The following MEI4 variants were observed in gnomAD, a reference collection of about 807,000 sequenced individuals.
MEI4 encodes the protein meiotic double-stranded break formation protein 4, also known as meiosis-specific protein MEI4.
In MEI4, 27 loss-of-function variants were observed where a neutral mutation model predicts 31.4. The ratio of observed to expected loss-of-function variants is 0.86; its 90% CI spans 0.63 to 1.19. The LOEUF (loss-of-function observed/expected upper bound fraction) is 1.19, where lower values mean the gene tolerates loss of function less well. Among genes scored for constraint, MEI4 ranks in the 50% most tolerant of loss-of-function variants. The pLI is 0.00. For missense variants in MEI4, 329 were observed against 398.9 expected (o/e 0.82, Z 1.49); for synonymous variants, 122 against 145.4 (o/e 0.84, Z 1.16).
intron 4 of MEI4, among the ~76,000 whole-genome samples, chr6:77,849,917 C>T (rs183571117): frequency 6.6e-6 from 1 of 152,138 alleles, no homozygotes; most frequent in Admixed American, 6.5e-5. Context: ...GGTTTTAAAC[C>T]CATACTGAAG....
chr6:77,780,452 G>C (rs533217459), intron 3 of MEI4, among the ~76,000 whole-genome samples: 7 of 152,246 alleles, frequency 4.6e-5, no homozygotes, highest in South Asian at 2.1e-4. Flanking sequence ...TGCCACAACT[G>C]TTTCTGTGAG....
At chr6:77,699,970 G>T (rs1766176214) in intron 2 of MEI4, among the ~76,000 whole-genome samples, 1 of 152,204 alleles carries the variant, frequency 6.6e-6, no homozygotes, top group Admixed American at 6.5e-5. Context: ...TTGTCTCAGA[G>T]GCGTACCCGG....
rs554162882 is a variant in MEI4, at chr6:77,792,873, C to T, written c.768+31208C>T. ...GACTACAGGTGCACGCCACCATGGCCGGCTAATGTTTTGTATTTTTAGTAG... is the reference window on the plus strand; with the variant it reads ...GACTACAGGTGCACGCCACCATGGCTGGCTAATGTTTTGTATTTTTAGTAG... On this transcript the variant is annotated intron_variant, in intron 3 of 4. Coordinates refer to ENST00000684080, the MANE Select transcript of MEI4 (RefSeq NM_001322247.2). Among the ~76,000 whole-genome samples, 59 of 151,862 alleles carry T rather than the reference C, an allele frequency of 3.9e-4. No homozygotes were observed. In the South Asian group the frequency reaches 8.8e-3, roughly 23 times the overall value.
chr6:77,919,864 C>T (rs1457051287), intron 4 of MEI4, among the ~76,000 whole-genome samples: 1 of 150,218 alleles, frequency 6.7e-6, no homozygotes, highest in Non-Finnish European at 1.5e-5. Flanking sequence ...GAGAATGCTA[C>T]AAACACCTCT....
chr6:77,919,876 C>A (rs377593004), intron 4 of MEI4, among the ~76,000 whole-genome samples: 1,686 of 149,658 alleles, frequency 0.011, 36 homozygotes, highest in African/African-American at 0.039. Flanking sequence ...AACACCTCTA[C>A]GCAAATAAAC....
intron 4 of MEI4, among the ~76,000 whole-genome samples, chr6:77,842,689 T>A (rs1770394109): frequency 6.6e-6 from 1 of 152,010 alleles, no homozygotes; most frequent in African/African-American, 2.4e-5. Context: ...TTTCCCACAG[T>A]ACAAGCATTT....
At chr6:77,903,690 T>C (rs1202439218) in intron 4 of MEI4, among the ~76,000 whole-genome samples, 1 of 152,160 alleles carries the variant, frequency 6.6e-6, no homozygotes, top group Non-Finnish European at 1.5e-5. Flanking sequence ...ATAGCTTTTC[T>C]TTTGTGGAGG....
At chr6:77,798,590 C>G (rs958804430) in intron 3 of MEI4, among the ~76,000 whole-genome samples, 15 of 151,040 alleles carry the variant, frequency 9.9e-5, no homozygotes, top group African/African-American at 2.9e-4. Context: ...GTGCTGCACC[C>G]ATTAACTCAT....
chr6:77,730,720 G>A (rs1376704512), intron 2 of MEI4, among the ~76,000 whole-genome samples: 3 of 151,826 alleles, frequency 2.0e-5, no homozygotes, highest in African/African-American at 4.8e-5. Context: ...CTGGTGCGCT[G>A]CACCCACTAA....
At chr6:77,715,789 C>G (rs1268136917) in intron 2 of MEI4, among the ~76,000 whole-genome samples, 1 of 152,166 alleles carries the variant, frequency 6.6e-6, no homozygotes, top group Non-Finnish European at 1.5e-5. Context: ...AGTTCATATA[C>G]TTAACGTCAC....
chr6:77,852,391 A>G (rs1045590861), intron 4 of MEI4, among the ~76,000 whole-genome samples: 11 of 152,190 alleles, frequency 7.2e-5, no homozygotes, highest in African/African-American at 2.7e-4. Context: ...GAGACATATA[A>G]TGTATTAATA....
intron 2 of MEI4, among the ~76,000 whole-genome samples, chr6:77,694,583 G>T (rs1406114339): frequency 2.0e-5 from 3 of 152,004 alleles, no homozygotes; most frequent in Non-Finnish European, 4.4e-5. Flanking sequence ...CCCTACAAAG[G>T]ACATGAACTC....
chr6:77,652,575 T>C (rs1165881126), upstream of MEI4, among the ~76,000 whole-genome samples: 1 of 152,074 alleles, frequency 6.6e-6, no homozygotes, highest in Non-Finnish European at 1.5e-5. Context: ...GGTACAAAGG[T>C]TTGGTATGCA....
chr6:77,775,545 T>C (rs1486198497), intron 3 of MEI4, among the ~76,000 whole-genome samples: 1 of 152,134 alleles, frequency 6.6e-6, no homozygotes, highest in Non-Finnish European at 1.5e-5. Context: ...TGGTATTTCA[T>C]GGTATATTTA....
At chr6:77,909,402 A>G (rs1766377835) in intron 4 of MEI4, among the ~76,000 whole-genome samples, 1 of 152,164 alleles carries the variant, frequency 6.6e-6, no homozygotes, top group African/African-American at 2.4e-5. Context: ...CAGAAATACA[A>G]ACTACCATCA....
intron 4 of MEI4, among the ~76,000 whole-genome samples, chr6:77,911,733 AAT>A (rs57488657): frequency 7.5e-5 from 11 of 147,046 alleles, no homozygotes; most frequent in African/African-American, 2.0e-4. Flanking sequence ...TTATATATAT[AAT>A]ATATATATAT....
At chr6:77,829,866 T>C (rs984771302) in intron 4 of MEI4, among the ~76,000 whole-genome samples, 1 of 152,150 alleles carries the variant, frequency 6.6e-6, no homozygotes, top group African/African-American at 2.4e-5. Flanking sequence ...TTTAACAAAG[T>C]ACTGACATCT....
At chr6:77,802,082 C>A (rs893706339) in intron 3 of MEI4, among the ~76,000 whole-genome samples, 17 of 152,072 alleles carry the variant, frequency 1.1e-4, no homozygotes, top group Non-Finnish European at 2.1e-4. Context: ...TTAAAGTCTC[C>A]CATTATTATT....
intron 2 of MEI4, among the ~76,000 whole-genome samples, chr6:77,694,624 G>A (rs1765967849): frequency 1.3e-5 from 2 of 152,038 alleles, no homozygotes; most frequent in South Asian, 4.1e-4. Flanking sequence ...AGTATTCCAT[G>A]GTGTATATGT....
Sources: allele counts gnomAD v4.1 joint callset (sites outside exome capture counted in the v4.1 genomes callset), GRCh38; gene constraint gnomAD v4.1.1; transcripts MANE v1.5; gene names NCBI Gene and HGNC (gene_info 2026-07-23, HGNC 2026-07-21).